FBXO4: variants seen among roughly 807,000 people sequenced by gnomAD.
FBXO4 encodes the protein F-box protein 4.
Under a neutral mutation model 43.7 loss-of-function variants are expected in FBXO4, and 36 were observed. The observed-to-expected ratio is 0.82, with a 90% confidence interval of 0.63 to 1.09. FBXO4 has a LOEUF of 1.09. Ranked by LOEUF, FBXO4 falls within the 50% of genes least tolerant of loss-of-function variation. FBXO4 has a pLI of 0.00. For missense variants in FBXO4, 435 were observed against 474.1 expected, an observed-to-expected ratio of 0.92 and a Z score of 0.77; for synonymous variants, 180 against 165.6, an observed-to-expected ratio of 1.09 and a Z score of -0.67.
chr5:42,008,121 T>G, the FBXO4 span, among the ~76,000 whole-genome samples: 1 of 152,156 alleles, frequency 6.6e-6, no homozygotes, highest in African/African-American at 2.4e-5. Flanking sequence ...CAGAGAAAGT[T>G]GAGTCTACTG....
At chr5:42,018,240 A>C in the FBXO4 span, among the ~76,000 whole-genome samples, 1 of 151,508 alleles carries the variant, frequency 6.6e-6, no homozygotes, top group East Asian at 1.9e-4. Flanking sequence ...GTTGAGAAAA[A>C]ATCAGAGCAA....
the FBXO4 span, among the ~76,000 whole-genome samples, chr5:42,002,554 G>A: frequency 1.3e-5 from 2 of 152,118 alleles, no homozygotes; most frequent in Non-Finnish European, 2.9e-5. Flanking sequence ...AATTTTCTGT[G>A]CAAGGTAGAA....
chr5:41,984,586 C>G, the FBXO4 span, among the ~76,000 whole-genome samples: 2 of 152,180 alleles, frequency 1.3e-5, no homozygotes, highest in African/African-American at 4.8e-5. Flanking sequence ...ACAATTAGCT[C>G]CATACTTTTC....
chr5:42,004,692 T>C, the FBXO4 span, among the ~76,000 whole-genome samples: 1 of 152,178 alleles, frequency 6.6e-6, no homozygotes, highest in Non-Finnish European at 1.5e-5. Flanking sequence ...GGAATAACCA[T>C]AAGCACACAG....
the FBXO4 span, among the ~76,000 whole-genome samples, chr5:42,016,535 C>T: frequency 2.0e-5 from 3 of 151,434 alleles, no homozygotes; most frequent in African/African-American, 7.3e-5. Flanking sequence ...AACCTTGCAA[C>T]CTCCTGTAAA....
At chr5:42,009,910 T>C in the FBXO4 span, among the ~76,000 whole-genome samples, 1 of 152,206 alleles carries the variant, frequency 6.6e-6, no homozygotes, top group Non-Finnish European at 1.5e-5. Context: ...ACTCTATACA[T>C]ATTAAATGAC....
At chr5:41,993,618 G>GATATATATATATATATATATATAT in the FBXO4 span, among the ~76,000 whole-genome samples, 762 of 136,312 alleles carry the variant, frequency 5.6e-3, 7 homozygotes, top group Middle Eastern at 0.012. Context: ...GAACTAATAG[G>GATATATATATATATATATATATAT]ATATATATAT....
chr5:41,949,273 G>T, the FBXO4 span, among the ~76,000 whole-genome samples: 1 of 152,176 alleles, frequency 6.6e-6, no homozygotes, highest in Admixed American at 6.5e-5. Context: ...AAGTCAAATT[G>T]TCTCTATTTG....
At chr5:41,995,979 G>T in the FBXO4 span, among the ~76,000 whole-genome samples, 2 of 152,210 alleles carry the variant, frequency 1.3e-5, no homozygotes, top group Non-Finnish European at 1.5e-5. Context: ...TGCTGCAGCT[G>T]TTCACTTTTG....
At chr5:41,999,501 ATATGTG>A in the FBXO4 span, among the ~76,000 whole-genome samples, 9 of 75,522 alleles carry the variant, frequency 1.2e-4, no homozygotes, top group African/African-American at 5.6e-4. Context: ...ATACATATAT[ATATGTG>A]TATATATATA....
At chr5:41,970,422 A>T in the FBXO4 span, among the ~76,000 whole-genome samples, 1 of 152,052 alleles carries the variant, frequency 6.6e-6, no homozygotes, top group African/African-American at 2.4e-5. Context: ...AGTTCTGTAT[A>T]ACAGAAGAAA....
At chr5:41,977,115 C>G in the FBXO4 span, among the ~76,000 whole-genome samples, 27,361 of 152,098 alleles carry the variant, frequency 0.18, 2,641 homozygotes, top group Middle Eastern at 0.3. Context: ...ATCTGGCCCC[C>G]CAAACCATTC....
the FBXO4 span, among the ~76,000 whole-genome samples, chr5:41,978,183 C>T: frequency 6.6e-6 from 1 of 152,054 alleles, no homozygotes; most frequent in Non-Finnish European, 1.5e-5. Context: ...TTTAAACAAC[C>T]ACACCTCTTT....
chr5:41,933,022 G>A lies in FBXO4; in HGVS notation c.647-924G>A, dbSNP rs1579979081. On this transcript the variant is annotated intron_variant, in intron 3 of 6. Transcript: ENST00000281623. Reference sequence around the variant, plus strand: ...AGTCACCCTACTAGGAGTTTTACATGTATGATCTCGTTTAATCTTCCCAGT... The same window carrying A: ...AGTCACCCTACTAGGAGTTTTACATATATGATCTCGTTTAATCTTCCCAGT... Among the ~76,000 whole-genome samples the A allele has an allele frequency of 2.6e-5, 4 of 152,298 alleles. No individual in the cohort carries two copies. In the South Asian group the frequency reaches 6.2e-4, roughly 24 times the overall value.
chr5:41,934,172 A>G lies in FBXO4; in HGVS notation c.762A>G (p.Ala254=), dbSNP rs747064227. 3.1e-6 allele frequency: 5 copies of G among 1,614,128 alleles called. No homozygotes were observed. In the South Asian group the frequency reaches 5.5e-5, roughly 18 times the overall value. The change falls in exon 5 of 7, where the codon GCA becomes GCG. Residue 254 remains alanine (A), a synonymous_variant. Transcript: ENST00000281623. ...RDRAREEHTS[A]VNKMFSRHNE... ...GAGCAAGGGAAGAGCATACAAGTGC[A>G]GTTAACAAGATGTTCAGTCGACACA...
chr5:41,970,382 GT>G, the FBXO4 span, among the ~76,000 whole-genome samples: 1 of 151,880 alleles, frequency 6.6e-6, no homozygotes, highest in Non-Finnish European at 1.5e-5. Context: ...ATCTTCACCT[GT>G]TAACCAATTT....
chr5:41,993,097 C>G, the FBXO4 span, among the ~76,000 whole-genome samples: 31 of 152,122 alleles, frequency 2.0e-4, no homozygotes. Flanking sequence ...CATTAGTTTT[C>G]GTGACCACAG....
chr5:42,023,485 A>T, the FBXO4 span, among the ~76,000 whole-genome samples: 1 of 152,060 alleles, frequency 6.6e-6, no homozygotes, highest in Admixed American at 6.6e-5. Flanking sequence ...TAGGTATTCT[A>T]TTTGGGTACA....
At chr5:42,020,297 A>G in the FBXO4 span, among the ~76,000 whole-genome samples, 6 of 152,210 alleles carry the variant, frequency 3.9e-5, no homozygotes, top group Non-Finnish European at 8.8e-5. Context: ...TCTAATATCA[A>G]TCAAGTAACA....
Sources: gnomAD v4.1 joint callset for allele counts (sites outside exome capture counted in the v4.1 genomes callset) on GRCh38, gnomAD v4.1.1 for gene constraint, MANE v1.5 for transcripts, NCBI Gene and HGNC (gene_info 2026-07-23, HGNC 2026-07-21) for gene names.